The following SLC2A14 variants were observed in gnomAD, a reference collection of about 807,000 sequenced individuals.
SLC2A14 encodes the protein solute carrier family 2 member 14.
A neutral mutation model predicts 43.0 loss-of-function variants in SLC2A14; 13 were observed. That is an observed-to-expected ratio of 0.30 (90% CI 0.20 to 0.48). SLC2A14 has a LOEUF of 0.48. SLC2A14 is among the 20% of genes least tolerant of loss of function. The pLI is 0.99. For missense variants in SLC2A14, 428 were observed against 620.4 expected (o/e 0.69, Z 3.29); for synonymous variants, 190 against 233.8 (o/e 0.81, Z 1.71).
At chr12:7,825,778 A>AAAAAG (rs1555120992) in intron 7 of SLC2A14, among the ~76,000 whole-genome samples, 1 of 131,088 alleles carries the variant, frequency 7.6e-6, no homozygotes, top group East Asian at 2.2e-4. Context: ...AAAAAAAAAA[A>AAAAAG]AAAGAAAGAA....
At chr12:7,866,682 A>T (rs1339741968) in intron 2 of SLC2A14, among the ~76,000 whole-genome samples, 1 of 152,096 alleles carries the variant, frequency 6.6e-6, no homozygotes, top group Non-Finnish European at 1.5e-5. Context: ...CTTTCATTTT[A>T]TGAAGGCTGA....
At chr12:7,882,537 T>G (rs1163563618) in intron 1 of SLC2A14, among the ~76,000 whole-genome samples, 2 of 151,946 alleles carry the variant, frequency 1.3e-5, no homozygotes, top group East Asian at 3.9e-4. Flanking sequence ...AAATAAAAGA[T>G]ATTTATTTGA....
chr12:7,863,006 A>C (rs1024258533), intron 2 of SLC2A14, among the ~76,000 whole-genome samples: 1 of 152,156 alleles, frequency 6.6e-6, no homozygotes, highest in Non-Finnish European at 1.5e-5. Context: ...CAGGCTGCCC[A>C]AGCCCGCATT....
At chr12:7,863,654 C>T (rs553062297) in intron 2 of SLC2A14, among the ~76,000 whole-genome samples, 37 of 151,800 alleles carry the variant, frequency 2.4e-4, no homozygotes, top group Non-Finnish European at 5.3e-4. Context: ...GGAATACGGA[C>T]ATAGCTCATT....
chr12:7,844,787 T>C (rs1411465672), intron 2 of SLC2A14, among the ~76,000 whole-genome samples: 1 of 152,070 alleles, frequency 6.6e-6, no homozygotes, highest in African/African-American at 2.4e-5. Context: ...CCACCCGCCT[T>C]GGCCTCCCAA....
upstream of SLC2A14, among the ~76,000 whole-genome samples, chr12:7,877,487 G>A (rs749877342): frequency 6.6e-6 from 1 of 151,820 alleles, no homozygotes; most frequent in Admixed American, 6.6e-5. Context: ...ATGCAATGGT[G>A]AGATCTTGGC....
intron 1 of SLC2A14, among the ~76,000 whole-genome samples, chr12:7,884,938 C>T (rs944135671): frequency 6.6e-6 from 1 of 151,972 alleles, no homozygotes; most frequent in Non-Finnish European, 1.5e-5. Context: ...TGTTCAAGGT[C>T]AGGACTATTT....
chr12:7,842,800 C>T (rs978125529), intron 2 of SLC2A14, among the ~76,000 whole-genome samples: 2 of 151,248 alleles, frequency 1.3e-5, no homozygotes, highest in Non-Finnish European at 1.5e-5. Flanking sequence ...GCGATCTCGG[C>T]TCATCGCAAC....
rs1376279710 is a variant in SLC2A14, at chr12:7,813,300, A to G, written c.*1016T>C. 1 of 152,198 alleles carries G rather than the reference A, an allele frequency of 6.6e-6. No individual in the cohort carries two copies. Among genetic ancestry groups the G allele is most frequent in the Non-Finnish European group, 1.5e-5 (1 of 68,042 alleles). 9.4% of individuals were successfully genotyped at this position (152,198 alleles called of 1,614,324 possible). ...CAATTATTTTAGGTTTCTCATTTGG[A>G]TGGCTCTCCCACTAGATAGGTGGCG... On this transcript the variant is annotated 3_prime_UTR_variant, in exon 11 of 11. Transcript: ENST00000431042.
At chr12:7,888,407 T>A (rs7135453) in intron 1 of SLC2A14, among the ~76,000 whole-genome samples, 29,150 of 152,154 alleles carry the variant, frequency 0.19, 3,135 homozygotes, top group Middle Eastern at 0.32. Context: ...ACGCACTCAA[T>A]GGTGGAAAAC....
At chr12:7,877,218 G>A (rs2121096041), upstream of SLC2A14, among the ~76,000 whole-genome samples, 1 of 151,922 alleles carries the variant, frequency 6.6e-6, no homozygotes, top group South Asian at 2.1e-4. Flanking sequence ...GGCTGGTCTT[G>A]AACTCCTGAC....
intron 2 of SLC2A14, among the ~76,000 whole-genome samples, chr12:7,843,866 G>A (rs1866221500): frequency 6.6e-6 from 1 of 151,440 alleles, no homozygotes; most frequent in African/African-American, 2.4e-5. Flanking sequence ...TCTTCTTAGT[G>A]CTGGGGCGGT....
intron 1 of SLC2A14, among the ~76,000 whole-genome samples, chr12:7,882,633 T>C (rs748102393): frequency 2.6e-5 from 4 of 152,090 alleles, no homozygotes; most frequent in Non-Finnish European, 5.9e-5. Context: ...GCTCAGGGGT[T>C]AAAGACCAGC....
exon 1 of SLC2A14, chr12:7,891,105 C>T (rs1565593963): frequency 6.5e-7 from 1 of 1,534,552 alleles, no homozygotes; most frequent in East Asian, 2.4e-5. Context: ...TACTTCTACT[C>T]TCAACAGTTG....
intron 1 of SLC2A14, among the ~76,000 whole-genome samples, chr12:7,885,752 T>TA (rs2121121253): frequency 6.6e-6 from 1 of 152,190 alleles, no homozygotes; most frequent in South Asian, 2.1e-4. Flanking sequence ...TCTTATTCAG[T>TA]AGGTCTCGTG....
chr12:7,846,776 C>T (rs192677315), intron 2 of SLC2A14, among the ~76,000 whole-genome samples: 10,175 of 150,660 alleles, frequency 0.068, 686 homozygotes, highest in African/African-American at 0.18. Flanking sequence ...GGATTACAAG[C>T]GCCCGCCACT....
At chr12:7,857,794 G>C (rs1020317768) in intron 2 of SLC2A14, among the ~76,000 whole-genome samples, 1 of 151,960 alleles carries the variant, frequency 6.6e-6, no homozygotes, top group East Asian at 1.9e-4. Context: ...CCAAGTAGCT[G>C]GGATTACAGG....
At position 7,889,397 on chromosome 12, in the gene SLC2A14, G is replaced by T. The variant is rs373883638; in HGVS notation, c.132+1599C>A. On this transcript the variant is annotated intron_variant, in intron 1 of 9. Coordinates refer to the SLC2A14 transcript ENST00000539924. The stretch of plus-strand genomic sequence containing the variant: ...ATTACAGGCATGCACCATCACGCCC[G>T]GCTAATTTTGTATTTTTAGTAGAGA... 2.0e-5 allele frequency among the ~76,000 whole-genome samples: 3 copies of T among 151,586 alleles called. No homozygotes were observed. In the East Asian group the frequency reaches 5.8e-4, roughly 29 times the overall value.
At chr12:7,828,191 A>G (rs1864663712) in intron 6 of SLC2A14, among the ~76,000 whole-genome samples, 1 of 152,078 alleles carries the variant, frequency 6.6e-6, no homozygotes, top group African/African-American at 2.4e-5. Context: ...GTGAAACTCC[A>G]TCTCTAATAA....
Sources: gnomAD v4.1 joint callset for allele counts (sites outside exome capture counted in the v4.1 genomes callset) on GRCh38, gnomAD v4.1.1 for gene constraint, MANE v1.5 for transcripts, NCBI Gene and HGNC (gene_info 2026-07-23, HGNC 2026-07-21) for gene names.